Variants in AGBL4 observed in about 807,000 individuals in gnomAD.
AGBL4 encodes the protein cytosolic carboxypeptidase 6.
Under a neutral mutation model 66.4 loss-of-function variants are expected in AGBL4, and 58 were observed. The ratio of observed to expected loss-of-function variants is 0.87; its 90% CI spans 0.71 to 1.09. AGBL4 has a LOEUF of 1.09. Among genes scored for constraint, AGBL4 ranks in the 50% least tolerant of loss-of-function variants. The pLI is 0.00. For missense variants in AGBL4, 579 were observed against 631.0 expected, an observed-to-expected ratio of 0.92 and a Z score of 0.88; for synonymous variants, 234 against 222.9, an observed-to-expected ratio of 1.05 and a Z score of -0.44.
chr1:49,556,009 C>G (rs1361758585), intron 3 of AGBL4, among the ~76,000 whole-genome samples: 1 of 152,134 alleles, frequency 6.6e-6, no homozygotes, highest in African/African-American at 2.4e-5. Context: ...TACCATTTGA[C>G]TCAACTATCC....
At chr1:49,915,438 T>C (rs1651331143) in intron 1 of AGBL4, among the ~76,000 whole-genome samples, 1 of 152,092 alleles carries the variant, frequency 6.6e-6, no homozygotes, top group South Asian at 2.1e-4. Flanking sequence ...AGAGATTATA[T>C]CCCGCGCCTG....
chr1:49,713,665 G>A lies in AGBL4; in HGVS notation c.158-16228C>T, dbSNP rs1003741209. Reference sequence around the variant, plus strand: ...ATTTTGTTGTGAAAAAGCATAATATGTTGATCAATAAAAGACTTTCAAGCA... The same window carrying A: ...ATTTTGTTGTGAAAAAGCATAATATATTGATCAATAAAAGACTTTCAAGCA... On this transcript the variant is annotated intron_variant, in intron 2 of 13. Coordinates refer to ENST00000371839, the MANE Select transcript of AGBL4 (RefSeq NM_032785.4). Among the ~76,000 whole-genome samples the A allele has an allele frequency of 5.9e-5, 9 of 152,018 alleles. No individual in the cohort carries two copies. In the South Asian group the frequency reaches 6.2e-4, roughly 10 times the overall value.
chr1:49,047,484 AAT>A (rs1644108267), intron 4 of AGBL4, among the ~76,000 whole-genome samples: 1 of 152,136 alleles, frequency 6.6e-6, no homozygotes, highest in South Asian at 2.1e-4. Context: ...TTATAATGGA[AAT>A]ATATCTTCAA....
intron 4 of AGBL4, among the ~76,000 whole-genome samples, chr1:49,047,832 T>C (rs893784541): frequency 6.6e-6 from 1 of 152,106 alleles, no homozygotes; most frequent in African/African-American, 2.4e-5. Context: ...AGTGGGATTA[T>C]TAACCATGGA....
At chr1:49,018,219 C>A (rs1394081994) in intron 5 of AGBL4, among the ~76,000 whole-genome samples, 1 of 152,192 alleles carries the variant, frequency 6.6e-6, no homozygotes, top group Non-Finnish European at 1.5e-5. Flanking sequence ...AGTACAGAAG[C>A]AGTTTTAGTC....
chr1:48,739,126 T>G (rs1649517904), intron 6 of AGBL4, among the ~76,000 whole-genome samples: 1 of 152,204 alleles, frequency 6.6e-6, no homozygotes, highest in Admixed American at 6.5e-5. Flanking sequence ...TTCCTCTGTA[T>G]CTGCCTGGCT....
intron 3 of AGBL4, among the ~76,000 whole-genome samples, chr1:49,514,728 T>A (rs534034606): frequency 3.3e-5 from 5 of 151,938 alleles, no homozygotes; most frequent in African/African-American, 7.2e-5. Context: ...TCAGAAATAA[T>A]GCTGCATATC....
At chr1:49,696,802 C>T (rs916077245) in intron 3 of AGBL4, among the ~76,000 whole-genome samples, 1 of 152,086 alleles carries the variant, frequency 6.6e-6, no homozygotes, top group Admixed American at 6.6e-5. Context: ...CTAGAGAGGG[C>T]TGTAAATATG....
chr1:48,730,302 T>G (rs565772695), intron 6 of AGBL4, among the ~76,000 whole-genome samples: 1 of 152,178 alleles, frequency 6.6e-6, no homozygotes, highest in African/African-American at 2.4e-5. Context: ...CAAACTGTGA[T>G]GAGAACTGCT....
chr1:49,173,831 A>G (rs1450078575), intron 4 of AGBL4, among the ~76,000 whole-genome samples: 1 of 152,188 alleles, frequency 6.6e-6, no homozygotes, highest in Non-Finnish European at 1.5e-5. Flanking sequence ...GATACACAAA[A>G]AAGACCAAGG....
intron 8 of AGBL4, among the ~76,000 whole-genome samples, chr1:48,646,541 G>GTGTC (rs1645839097): frequency 6.6e-6 from 1 of 151,612 alleles, no homozygotes; most frequent in African/African-American, 2.4e-5. Flanking sequence ...GTGTGTGTGT[G>GTGTC]TGTGTGTGTG....
Position 49,124,090 on chromosome 1 carries a change from T to C in AGBL4, c.378-78290A>G, listed in dbSNP as rs377172709. Among the ~76,000 whole-genome samples, 52 of 152,090 alleles carry C rather than the reference T, an allele frequency of 3.4e-4. 1 individual carries two copies. In the South Asian group the frequency reaches 9.6e-3, roughly 28 times the overall value. On this transcript the variant is annotated intron_variant, in intron 4 of 13. Transcript: ENST00000371839. Reference sequence around the variant, plus strand: ...CATGGCCAGCTGGAGGCCTTGGAGGTGGTAAGAAGTTCTGTATTTTTATAA... The same window carrying C: ...CATGGCCAGCTGGAGGCCTTGGAGGCGGTAAGAAGTTCTGTATTTTTATAA...
chr1:49,824,903 T>A (rs1419390407), intron 2 of AGBL4, among the ~76,000 whole-genome samples: 1 of 152,218 alleles, frequency 6.6e-6, no homozygotes, highest in Admixed American at 6.5e-5. Flanking sequence ...AAGATTCTTA[T>A]CTGATTCATT....
intron 6 of AGBL4, among the ~76,000 whole-genome samples, chr1:48,788,626 G>A (rs1166989110): frequency 1.3e-5 from 2 of 152,116 alleles, no homozygotes; most frequent in Non-Finnish European, 2.9e-5. Flanking sequence ...ATGCCTTTCT[G>A]TTTCCATTTC....
At chr1:48,778,446 A>T (rs987072838) in intron 6 of AGBL4, among the ~76,000 whole-genome samples, 4 of 152,224 alleles carry the variant, frequency 2.6e-5, no homozygotes, top group Admixed American at 2.0e-4. Flanking sequence ...AAAGAAGTAT[A>T]AGCAAGTAAT....
rs550470240 is a variant in AGBL4 at position 49,567,035 on chromosome 1, C to A, written c.282+130278G>T. On this transcript the variant is annotated intron_variant, in intron 3 of 13. Coordinates refer to ENST00000371839, the MANE Select transcript of AGBL4 (RefSeq NM_032785.4). ...CTCCCCCAGCCTCACTGCCACCTTG[C>A]AGTTTGATCTCAGACTGCCGTGCTA... Among the ~76,000 whole-genome samples, 36 of 152,320 alleles carry A rather than the reference C, an allele frequency of 2.4e-4. 1 individual carries two copies. The South Asian group carries it at 7.5e-3, about 32-fold the overall frequency.
chr1:49,524,596 T>A (rs1650514485), intron 3 of AGBL4, among the ~76,000 whole-genome samples: 1 of 151,692 alleles, frequency 6.6e-6, no homozygotes, highest in Non-Finnish European at 1.5e-5. Flanking sequence ...AAATAAGGAG[T>A]CCACATGGTC....
chr1:49,228,069 G>A (rs898948353), intron 4 of AGBL4, among the ~76,000 whole-genome samples: 8 of 152,156 alleles, frequency 5.3e-5, no homozygotes, highest in Non-Finnish European at 1.0e-4. Flanking sequence ...AGAGGAACAT[G>A]TATCAGTCCT....
chr1:49,447,914 G>A (rs1646194853), intron 3 of AGBL4, among the ~76,000 whole-genome samples: 1 of 151,950 alleles, frequency 6.6e-6, no homozygotes, highest in South Asian at 2.1e-4. Context: ...TTCTGGAGAG[G>A]GCAAGATGTC....
Sources: gnomAD v4.1 joint callset for allele counts (sites outside exome capture counted in the v4.1 genomes callset) on GRCh38, gnomAD v4.1.1 for gene constraint, MANE v1.5 for transcripts, NCBI Gene and HGNC (gene_info 2026-07-23, HGNC 2026-07-21) for gene names.